The following IDUA variants were observed in gnomAD, a reference collection of about 807,000 sequenced individuals.
IDUA encodes the protein iduronidase alpha-L-.
Under a neutral mutation model 68.9 loss-of-function variants are expected in IDUA, and 65 were observed. The ratio of observed to expected loss-of-function variants is 0.94; its 90% confidence interval spans 0.77 to 1.16. IDUA has a LOEUF of 1.16. IDUA is among the 50% of genes most tolerant of loss of function. The pLI, the probability that IDUA is intolerant of heterozygous loss-of-function variation, is 0.00. For missense variants in IDUA, 1,046 were observed against 938.0 expected, an observed-to-expected ratio of 1.12 and a Z score of -1.50; for synonymous variants, 529 against 433.6, an observed-to-expected ratio of 1.22 and a Z score of -2.73.
rs755519015 is a variant in IDUA at position 1,003,996 on chromosome 4, G to C, written c.1728-16G>C. Reference sequence around the variant, plus strand: ...CTGTCTTGACCCCAGCCTTGTTCTTGGCCTGACCTCCCCAGGTGCCTGTGG... The same window carrying C: ...CTGTCTTGACCCCAGCCTTGTTCTTCGCCTGACCTCCCCAGGTGCCTGTGG... On this transcript the variant is annotated splice_polypyrimidine_tract_variant and intron_variant, in intron 12 of 13. Coordinates refer to ENST00000514224, the MANE Select transcript of IDUA (RefSeq NM_000203.5). The C allele has an allele frequency of 1.2e-6, 2 of 1,602,454 alleles. No individual in the cohort carries two copies. The highest frequency in any genetic ancestry group is 3.3e-5 in the Admixed American group (2 of 59,870).
chr4:998,532 C>G (rs947062693), intron 2 of IDUA, among the ~76,000 whole-genome samples: 4 of 152,194 alleles, frequency 2.6e-5, no homozygotes, highest in Non-Finnish European at 5.9e-5. Context: ...AGCCCTCAGA[C>G]CCTGGCCAGC....
chr4:989,350 C>T lies in IDUA; in HGVS notation c.299+1401C>T. 2.5e-6 allele frequency: 4 copies of T among 1,598,092 alleles called. No homozygotes were observed. Among genetic ancestry groups the T allele is most frequent in the Non-Finnish European group, 3.4e-6 (4 of 1,172,864 alleles). ...CCGCACGCCGGGCTCAGGGACGAGG[C>T]CCTCGAACTCTGTGGCATCCTCGTA... On this transcript the variant is annotated intron_variant, in intron 2 of 13. Coordinates refer to ENST00000514224, the MANE Select transcript of IDUA (RefSeq NM_000203.5).
intron 2 of IDUA, among the ~76,000 whole-genome samples, chr4:998,264 C>G (rs1341918832): frequency 6.6e-6 from 1 of 152,188 alleles, no homozygotes; most frequent in Non-Finnish European, 1.5e-5. Flanking sequence ...AGGCTGTAGA[C>G]TCCTGCCAAG....
chr4:989,591 G>A, intron 2 of IDUA: 1 of 1,600,422 alleles, frequency 6.2e-7, no homozygotes, highest in Non-Finnish European at 8.5e-7. Context: ...GCCCCCCGCA[G>A]GCTGACCACG....
Position 1,004,390 on chromosome 4 carries a change from A to G in IDUA, c.1959A>G (p.Pro653=), listed in dbSNP as rs1264323702. 2 of 1,610,280 alleles carry G rather than the reference A, an allele frequency of 1.2e-6. No homozygotes were observed. Among genetic ancestry groups the G allele is most frequent in the South Asian group, 2.2e-5 (2 of 91,032 alleles). Residue 653 remains proline (P), a synonymous_variant, in exon 14 of 14, where the codon CCA becomes CCG. Transcript: ENST00000514224. This position sits in a 1 kb window ranked among gnomAD's most constrained non-coding sequence, Gnocchi z 5.0. ...GAGGGCCCCCATCCCCGGGCAATCC[A>G]TGAGCCTGTGCTGAGCCCCAGTGGG... The part of the protein sequence containing the change: ...VPRGPPSPGN[P]
At position 1,001,699 on chromosome 4, in the gene IDUA, G is replaced by A. The variant is rs751861062; in HGVS notation, c.610G>A (p.Ala204Thr). The change falls in exon 6 of 14, where the codon GCC becomes ACC. Residue 204 changes from alanine to threonine, a missense_variant. By Grantham distance (58) the Ala-to-Thr change is moderately conservative. Transcript: ENST00000514224. ...CCCAGGCTTCCTGAACTACTACGAT[G>A]CCTGCTCGGAGGGTCTGCGCGCCGC... ...TMQGFLNYYD[A>T]CSEGLRAASP... is the part of the protein sequence containing the mutation. The A allele has an allele frequency of 6.2e-7, 1 of 1,600,374 alleles. No homozygotes were observed. Among genetic ancestry groups the A allele is most frequent in the Non-Finnish European group, 8.5e-7 (1 of 1,178,948 alleles).
intron 12 of IDUA, 46 bp from the exon 13 acceptor site, chr4:1,003,966 G>A: frequency 6.7e-7 from 1 of 1,493,442 alleles, no homozygotes; most frequent in Non-Finnish European, 9.3e-7. Context: ...TCCCACCTTT[G>A]AGGACTGTCT....
At chr4:989,899 G>A (rs1379367152) in intron 2 of IDUA, 5 of 1,565,864 alleles carry the variant, frequency 3.2e-6, no homozygotes, top group Non-Finnish European at 4.3e-6. Context: ...GAGGGCCAGG[G>A]CCACGGCATC....
At chr4:1,000,785 A>T in intron 3 of IDUA, 88 bp downstream of exon 3, 1 of 1,439,718 alleles carries the variant, frequency 6.9e-7, no homozygotes, top group Non-Finnish European at 9.8e-7. Context: ...GAGTCCTTGG[A>T]TGTCCATTCA....
intron 4 of IDUA, 97 bp from the exon 5 acceptor site, chr4:1,001,371 T>G: frequency 2.0e-6 from 2 of 1,017,818 alleles, no homozygotes; most frequent in South Asian, 1.3e-5. Flanking sequence ...GGGTTCATCT[T>G]GAGTCAGACG....
Position 1,003,402 on chromosome 4 carries a change from C to T in IDUA, c.1582C>T (p.Pro528Ser). ...LPAGGRLTLR[P>S]ALRLPSLLLV... ...CGCCGGCGGCCGCCTGACCCTGCGCCCCGCGCTGCGGCTGCCGTCGCTTTT... is the reference window on the plus strand; with the variant it reads ...CGCCGGCGGCCGCCTGACCCTGCGCTCCGCGCTGCGGCTGCCGTCGCTTTT... The change falls in exon 11 of 14, where the codon CCC becomes TCC. Residue 528 changes from proline (P) to serine (S), a missense_variant. Coordinates refer to ENST00000514224, the MANE Select transcript of IDUA (RefSeq NM_000203.5). 6.6e-7 allele frequency: 1 copy of T among 1,525,018 alleles called. No homozygotes were observed. The highest frequency in any genetic ancestry group is 2.0e-5 in the Admixed American group (1 of 50,334). The allele number at this position is 1,525,018 out of a possible 1,614,324, so 94.5% of individuals were successfully genotyped here. A position where few individuals can be genotyped will look rare whatever the true frequency, so the allele number is the denominator to read the frequency against.
rs2153016435 is a variant in IDUA at position 989,236 on chromosome 4, C to T, written c.299+1287C>T. On this transcript the variant is annotated intron_variant, in intron 2 of 13. Coordinates refer to ENST00000514224, the MANE Select transcript of IDUA (RefSeq NM_000203.5). ...CCCCTCCTTCCTCCTGGCAGCCATG[C>T]ACCCTGCGTCCAGCCCCGTGAGGCT... 3 of 1,612,392 alleles carry T rather than the reference C, an allele frequency of 1.9e-6. No individual in the cohort carries two copies. In the East Asian group the frequency reaches 6.7e-5, roughly 36 times the overall value.
chr4:991,420 C>G, intron 2 of IDUA: 1 of 1,612,824 alleles, frequency 6.2e-7, no homozygotes, highest in Non-Finnish European at 8.5e-7. Context: ...GGGCTGCAGC[C>G]CGGCCAGCAA....
Position 991,372 on chromosome 4 carries a change from A to G in IDUA, c.299+3423A>G, listed in dbSNP as rs1714304170. On this transcript the variant is annotated intron_variant, in intron 2 of 13. Transcript: ENST00000514224. ...CCGTGAGGTGCCCATGAGGAAGTAG[A>G]TGAGGTTGGCGAAGAAGGACGTATA... 1 of 1,612,704 alleles carries G rather than the reference A, an allele frequency of 6.2e-7. No homozygotes were observed. The highest frequency in any genetic ancestry group is 8.5e-7 in the Non-Finnish European group (1 of 1,179,960).
At chr4:1,002,232 C>G (rs749311599) in intron 7 of IDUA, 37 bp from the exon 8 acceptor site, 1 of 1,588,412 alleles carries the variant, frequency 6.3e-7, no homozygotes, top group Non-Finnish European at 8.6e-7. Context: ...GAGCGGTGGC[C>G]GCGCCACCCG....
intron 2 of IDUA, 100 bp from the exon 3 acceptor site, chr4:1,000,512 C>T: frequency 1.1e-6 from 1 of 943,476 alleles, no homozygotes; most frequent in Non-Finnish European, 1.7e-6. Flanking sequence ...CTGTGTGGCA[C>T]CTTGCAGGCT....
chr4:1,001,934 C>T, intron 6 of IDUA, 48 bp from the exon 7 acceptor site: 7 of 1,569,212 alleles, frequency 4.5e-6, no homozygotes, highest in Non-Finnish European at 6.0e-6. Context: ...AGCCGCTGTG[C>T]CCCGGGCCGC....
intron 2 of IDUA, among the ~76,000 whole-genome samples, chr4:996,242 C>A (rs1714737304): frequency 6.6e-6 from 1 of 152,224 alleles, no homozygotes. Context: ...GGCAGTCACG[C>A]AGGGCCTCAG....
Position 989,063 on chromosome 4 carries a change from C to T in IDUA, c.299+1114C>T, listed in dbSNP as rs755604073. 1.7e-5 allele frequency: 27 copies of T among 1,587,656 alleles called. No homozygotes were observed. Among genetic ancestry groups the T allele is most frequent in the African/African-American group, 1.2e-4 (9 of 74,192 alleles). The stretch of plus-strand genomic sequence containing the variant: ...CGCAGGTCCTGCAGCGTGCTCACAC[C>T]GGCTGCGTCTAGGAACAGCAGCGGG... On this transcript the variant is annotated intron_variant, in intron 2 of 13. Coordinates refer to ENST00000514224, the MANE Select transcript of IDUA (RefSeq NM_000203.5).
Sources: allele counts gnomAD v4.1 joint callset (sites outside exome capture counted in the v4.1 genomes callset), GRCh38; gene constraint gnomAD v4.1.1; non-coding constraint Gnocchi (gnomAD v3.1); transcripts MANE v1.5; gene names NCBI Gene and HGNC (gene_info 2026-07-23, HGNC 2026-07-21).